Variants in UBXN7 observed in about 807,000 individuals in gnomAD.
The protein encoded by UBXN7 is UBX domain-containing protein 7.
A neutral mutation model predicts 58.0 loss-of-function variants in UBXN7; 9 were observed. The observed-to-expected ratio is 0.16, with a 90% CI of 0.09 to 0.27. The LOEUF (loss-of-function observed/expected upper bound fraction) is 0.27, where lower values mean the gene tolerates loss of function less well. Among genes scored for constraint, UBXN7 ranks in the 10% least tolerant of loss-of-function variants. The pLI is 1.00. For synonymous variants in UBXN7, 208 were observed against 205.0 expected (o/e 1.01, Z -0.12); for missense variants, 328 against 599.6 (o/e 0.55, Z 4.73).
At chr3:196,384,014 G>A (rs1472929732) in intron 5 of UBXN7, among the ~76,000 whole-genome samples, 2 of 152,042 alleles carry the variant, frequency 1.3e-5, no homozygotes, top group East Asian at 3.9e-4. Context: ...TCCAAGAGCT[G>A]GTTTTTTGAA....
At chr3:196,393,495 C>G (rs971863109) in intron 4 of UBXN7, 59 bp downstream of exon 4, 1 of 1,517,826 alleles carries the variant, frequency 6.6e-7, no homozygotes, top group Non-Finnish European at 9.0e-7. Flanking sequence ...TAGTAATCAT[C>G]TTTGTCTTTT....
chr3:196,387,800 C>T (rs1729455867), intron 5 of UBXN7, among the ~76,000 whole-genome samples: 1 of 152,084 alleles, frequency 6.6e-6, no homozygotes, highest in Non-Finnish European at 1.5e-5. Context: ...ACAACAGATG[C>T]TGGAGAGGAT....
chr3:196,361,282 G>T (rs955046068), intron 10 of UBXN7, among the ~76,000 whole-genome samples: 2 of 151,984 alleles, frequency 1.3e-5, no homozygotes, highest in Non-Finnish European at 2.9e-5. Context: ...AAGGGAGGGG[G>T]GTTGCTTCTT....
intron 5 of UBXN7, among the ~76,000 whole-genome samples, chr3:196,387,393 C>T (rs1729437521): frequency 6.6e-6 from 1 of 152,186 alleles, no homozygotes; most frequent in South Asian, 2.1e-4. Flanking sequence ...GACTTCACAA[C>T]TAAAACACCA....
At chr3:196,392,696 G>C (rs1352193484) in intron 4 of UBXN7, among the ~76,000 whole-genome samples, 1 of 152,080 alleles carries the variant, frequency 6.6e-6, no homozygotes, top group African/African-American at 2.4e-5. Flanking sequence ...CCAGCTACTT[G>C]GGAGGCTGAG....
At chr3:196,430,974 T>C (rs904724873) in intron 1 of UBXN7, among the ~76,000 whole-genome samples, 6 of 152,272 alleles carry the variant, frequency 3.9e-5, no homozygotes, top group Middle Eastern at 3.4e-3. Context: ...TATTGCAAAT[T>C]TTACTTTACT....
intron 3 of UBXN7, among the ~76,000 whole-genome samples, chr3:196,396,528 C>T (rs1015518357): frequency 6.6e-6 from 1 of 151,986 alleles, no homozygotes; most frequent in South Asian, 2.1e-4. Flanking sequence ...TTTGGGAGAC[C>T]GAGGTGGGTG....
chr3:196,415,706 A>G (rs1730460375), intron 1 of UBXN7, among the ~76,000 whole-genome samples: 2 of 151,500 alleles, frequency 1.3e-5, no homozygotes, highest in Admixed American at 1.3e-4. Context: ...CGCTTGAACC[A>G]GGGAGTCAAA....
At chr3:196,376,014 G>GC (rs1392737146) in intron 5 of UBXN7, among the ~76,000 whole-genome samples, 2 of 152,074 alleles carry the variant, frequency 1.3e-5, no homozygotes, top group East Asian at 1.9e-4. Flanking sequence ...AGGCAACAGG[G>GC]CAAGACTGCC....
At chr3:196,399,477 T>C (rs1426053742) in intron 3 of UBXN7, among the ~76,000 whole-genome samples, 1 of 152,148 alleles carries the variant, frequency 6.6e-6, no homozygotes, top group Non-Finnish European at 1.5e-5. Context: ...CACTCTGTTA[T>C]ACAGGCTGCA....
Position 196,356,548 on chromosome 3 carries a change from AG to A in UBXN7, c.*136del, listed in dbSNP as rs1728354751. The A allele has an allele frequency of 1.1e-6, 1 of 902,012 alleles. No individual in the cohort carries two copies. Among genetic ancestry groups the A allele is most frequent in the Middle Eastern group, 2.3e-4 (1 of 4,380 alleles). The allele number at this position is 902,012 out of a possible 1,614,324, so 55.9% of individuals were successfully genotyped here. A position where few individuals can be genotyped will look rare whatever the true frequency, so the allele number is the denominator to read the frequency against. ...AAGAGACTGATTATAGGAGAGATCAAGAAATAAGAGAAGGAAGGTGACTTGC... is the reference window on the plus strand; with the variant it reads ...AAGAGACTGATTATAGGAGAGATCAAAAATAAGAGAAGGAAGGTGACTTGC... On this transcript the variant is annotated 3_prime_UTR_variant, in exon 11 of 11. Transcript: ENST00000296328.
chr3:196,405,633 T>C (rs1342272116), intron 2 of UBXN7, among the ~76,000 whole-genome samples: 2 of 152,136 alleles, frequency 1.3e-5, no homozygotes, highest in African/African-American at 2.4e-5. Context: ...ATAAACAAAC[T>C]TTAATCTGAT....
chr3:196,361,926 A>G lies in UBXN7; in HGVS notation c.1229-3T>C. The G allele has an allele frequency of 1.2e-6, 2 of 1,612,304 alleles. No homozygotes were observed. The highest frequency in any genetic ancestry group is 1.7e-6 in the Non-Finnish European group (2 of 1,179,410). ...CAACATCAGCTGTGCTTTTGGTCCT[A>G]AAGGAAGGGTTTAAAAAAAAAAAAA... On this transcript the variant is annotated splice_region_variant and splice_polypyrimidine_tract_variant and intron_variant, in intron 9 of 10. Coordinates refer to ENST00000296328, the MANE Select transcript of UBXN7 (RefSeq NM_015562.2).
intron 5 of UBXN7, among the ~76,000 whole-genome samples, chr3:196,380,531 C>A (rs1283264127): frequency 6.6e-6 from 1 of 152,196 alleles, no homozygotes; most frequent in African/African-American, 2.4e-5. Flanking sequence ...CAAATAGGAG[C>A]AGCTGCAGTC....
chr3:196,368,743 AGCTCCACCCT>A (rs1728737670), intron 7 of UBXN7, among the ~76,000 whole-genome samples: 1 of 152,236 alleles, frequency 6.6e-6, no homozygotes, highest in Non-Finnish European at 1.5e-5. Flanking sequence ...TAATAAAACC[AGCTCCACCCT>A]CTGCTTCTCA....
intron 5 of UBXN7, among the ~76,000 whole-genome samples, chr3:196,380,168 T>C (rs1317694956): frequency 6.7e-6 from 1 of 148,590 alleles, no homozygotes; most frequent in African/African-American, 2.5e-5. Flanking sequence ...GAGAATGGAG[T>C]GAACCTAGGA....
chr3:196,396,164 T>C (rs1015062070), intron 3 of UBXN7, among the ~76,000 whole-genome samples: 1 of 150,586 alleles, frequency 6.6e-6, no homozygotes, highest in Admixed American at 6.6e-5. Flanking sequence ...GCAAGAAATG[T>C]CATACTTTTC....
intron 1 of UBXN7, among the ~76,000 whole-genome samples, chr3:196,412,230 C>CAAAAAA (rs55746914): frequency 1.2e-3 from 108 of 89,070 alleles, no homozygotes; most frequent in African/African-American, 5.0e-3. Flanking sequence ...GACTTTGTCT[C>CAAAAAA]AAAAAAAAAA....
intron 1 of UBXN7, among the ~76,000 whole-genome samples, chr3:196,420,568 CT>C (rs1245590247): frequency 1.3e-5 from 2 of 151,816 alleles, no homozygotes; most frequent in Non-Finnish European, 2.9e-5. Context: ...AAAAAACGGA[CT>C]TATTTTGAGG....
Sources: allele counts gnomAD v4.1 joint callset (sites outside exome capture counted in the v4.1 genomes callset), GRCh38; gene constraint gnomAD v4.1.1; transcripts MANE v1.5; gene names NCBI Gene and HGNC (gene_info 2026-07-23, HGNC 2026-07-21).